CDH13: variants seen among roughly 807,000 people sequenced by gnomAD.
CDH13 encodes cadherin-13.
Under a neutral mutation model 63.8 loss-of-function variants are expected in CDH13, and 24 were observed. The ratio of observed to expected loss-of-function variants is 0.38; its 90% CI spans 0.27 to 0.53. CDH13 has a LOEUF of 0.53. Ranked by LOEUF, CDH13 falls within the 20% of genes least tolerant of loss-of-function variation. CDH13 has a pLI of 0.85. For missense variants in CDH13, 1,049 were observed against 903.1 expected, an observed-to-expected ratio of 1.16 and a Z score of -2.07; for synonymous variants, 503 against 355.3, an observed-to-expected ratio of 1.42 and a Z score of -4.67.
intron 1 of CDH13, among the ~76,000 whole-genome samples, chr16:82,741,240 G>C (rs996571558): frequency 6.6e-6 from 1 of 152,146 alleles, no homozygotes; most frequent in Admixed American, 6.5e-5. Flanking sequence ...ACAGTGTGTG[G>C]TTTGTCTCTT....
Position 83,562,432 on chromosome 16 carries a change from C to T in CDH13, c.961-40022C>T, listed in dbSNP as rs147153742. On this transcript the variant is annotated intron_variant, in intron 7 of 13. Coordinates refer to ENST00000567109, the MANE Select transcript of CDH13 (RefSeq NM_001257.5). ...GTGAACAAGAGGCAATTGTCTCAAT[C>T]GGATTCAGGAACAACACTGGGTTAC... 8.7e-3 allele frequency among the ~76,000 whole-genome samples: 1,324 copies of T among 152,290 alleles called. 14 individuals carry two copies. The highest frequency in any genetic ancestry group is 0.029 in the African/African-American group (1,226 of 41,560).
At chr16:83,246,464 T>G (rs1434490502) in intron 5 of CDH13, among the ~76,000 whole-genome samples, 2 of 152,318 alleles carry the variant, frequency 1.3e-5, no homozygotes, top group Admixed American at 6.5e-5. Context: ...CTCCGAGAGA[T>G]TCACTAGCTC....
At chr16:83,292,339 T>G (rs1042470283) in intron 5 of CDH13, among the ~76,000 whole-genome samples, 2 of 152,208 alleles carry the variant, frequency 1.3e-5, no homozygotes, top group Non-Finnish European at 2.9e-5. Context: ...TGCCTAGTTC[T>G]GGGCCTCCCT....
chr16:83,094,233 G>C (rs2034078729), intron 3 of CDH13, among the ~76,000 whole-genome samples: 1 of 152,160 alleles, frequency 6.6e-6, no homozygotes, highest in African/African-American at 2.4e-5. Context: ...GAAGATATCT[G>C]AGCACTTGTG....
intron 7 of CDH13, among the ~76,000 whole-genome samples, chr16:83,496,818 AAAAC>A (rs747657290): frequency 4.6e-5 from 7 of 152,208 alleles, no homozygotes; most frequent in Admixed American, 1.3e-4. Context: ...TTACAAGAAA[AAAAC>A]AAACAACCCC....
intron 10 of CDH13, among the ~76,000 whole-genome samples, chr16:83,688,927 A>G (rs886473327): frequency 3.3e-5 from 5 of 152,212 alleles, no homozygotes; most frequent in African/African-American, 9.6e-5. Context: ...TTCACTGGCT[A>G]AAAATAGAAT....
chr16:83,070,430 A>C (rs2032345831), intron 3 of CDH13, among the ~76,000 whole-genome samples: 1 of 152,236 alleles, frequency 6.6e-6, no homozygotes, highest in Admixed American at 6.5e-5. Context: ...AGAATAAGTT[A>C]AGATACATTG....
chr16:83,566,337 A>T (rs1390172571), intron 7 of CDH13, among the ~76,000 whole-genome samples: 1 of 152,182 alleles, frequency 6.6e-6, no homozygotes, highest in Non-Finnish European at 1.5e-5. Context: ...CCTTTCCCCA[A>T]CATGGGGCAG....
chr16:83,369,796 C>T (rs2091329611), intron 6 of CDH13, among the ~76,000 whole-genome samples: 1 of 152,148 alleles, frequency 6.6e-6, no homozygotes, highest in South Asian at 2.1e-4. Flanking sequence ...TGTGACCCCA[C>T]ACCAACATCC....
intron 6 of CDH13, among the ~76,000 whole-genome samples, chr16:83,479,197 A>G (rs868210270): frequency 3.3e-5 from 5 of 152,108 alleles, no homozygotes; most frequent in Middle Eastern, 3.4e-3. Flanking sequence ...TTGTTTCCTA[A>G]CAAGATTTTA....
chr16:83,108,420 G>A (rs181051637), intron 3 of CDH13, among the ~76,000 whole-genome samples: 2 of 152,250 alleles, frequency 1.3e-5, no homozygotes, highest in East Asian at 3.9e-4. Flanking sequence ...GAAGTTATTG[G>A]ACAAAAAGGA....
At chr16:82,770,555 A>T (rs1400294335) in intron 1 of CDH13, among the ~76,000 whole-genome samples, 1 of 152,214 alleles carries the variant, frequency 6.6e-6, no homozygotes, top group East Asian at 1.9e-4. Flanking sequence ...ATATAGTTAC[A>T]TATTCAATCA....
chr16:83,370,594 G>T (rs1010766540), intron 6 of CDH13, among the ~76,000 whole-genome samples: 3 of 152,102 alleles, frequency 2.0e-5, no homozygotes, highest in African/African-American at 7.2e-5. Context: ...CCTATAGGTA[G>T]TTTTTTTGTT....
At chr16:83,360,293 A>G (rs981333614) in intron 6 of CDH13, among the ~76,000 whole-genome samples, 5 of 152,216 alleles carry the variant, frequency 3.3e-5, no homozygotes, top group African/African-American at 1.2e-4. Flanking sequence ...CGGAAAATAC[A>G]TCTGTGTTCT....
intron 2 of CDH13, among the ~76,000 whole-genome samples, chr16:82,941,744 C>G (rs1335411639): frequency 1.3e-5 from 2 of 152,170 alleles, no homozygotes; most frequent in Admixed American, 1.3e-4. Context: ...GTTCCCATCT[C>G]TCCTTCTCTT....
At chr16:83,041,076 C>T (rs563590005) in intron 3 of CDH13, among the ~76,000 whole-genome samples, 2 of 152,304 alleles carry the variant, frequency 1.3e-5, no homozygotes, top group African/African-American at 4.8e-5. Flanking sequence ...TAACAAACTC[C>T]AAAAGACCTG....
At chr16:83,669,016 C>T (rs545784733) in intron 8 of CDH13, among the ~76,000 whole-genome samples, 52 of 152,240 alleles carry the variant, frequency 3.4e-4, no homozygotes, top group Admixed American at 8.5e-4. Context: ...CTTCTTGCCC[C>T]GACTACATAT....
chr16:83,447,085 C>T (rs1380251253), intron 6 of CDH13, among the ~76,000 whole-genome samples: 1 of 85,474 alleles, frequency 1.2e-5, no homozygotes. Flanking sequence ...CAAAAAACAC[C>T]TTATAGTAAC....
At chr16:83,200,286 C>T (rs1201521244) in intron 4 of CDH13, among the ~76,000 whole-genome samples, 1 of 152,172 alleles carries the variant, frequency 6.6e-6, no homozygotes, top group African/African-American at 2.4e-5. Context: ...AAGCCTGCCT[C>T]CTTTTGAGCT....
Sources: allele counts gnomAD v4.1 joint callset (sites outside exome capture counted in the v4.1 genomes callset), GRCh38; gene constraint gnomAD v4.1.1; transcripts MANE v1.5; gene names NCBI Gene and HGNC (gene_info 2026-07-23, HGNC 2026-07-21).